Variants in FHIT observed in about 807,000 individuals in gnomAD.
FHIT encodes bis(5'-adenosyl)-triphosphatase.
In FHIT, 19 loss-of-function variants were observed where a neutral mutation model predicts 17.9. The observed-to-expected ratio is 1.06, with a 90% CI of 0.74 to 1.56. The LOEUF (loss-of-function observed/expected upper bound fraction) is 1.56. Ranked by LOEUF, FHIT falls within the 40% of genes most tolerant of loss-of-function variation. The pLI is 0.00. For synonymous variants in FHIT, 81 were observed against 69.7 expected (o/e 1.16, Z -0.81); for missense variants, 248 against 189.2 (o/e 1.31, Z -1.82).
intron 3 of FHIT, among the ~76,000 whole-genome samples, chr3:60,989,252 T>G (rs1399902577): frequency 6.6e-6 from 1 of 152,106 alleles, no homozygotes; most frequent in Non-Finnish European, 1.5e-5. Context: ...TTGGATCAAG[T>G]GATTCTCCTG....
chr3:60,601,506 T>C (rs2038444980), intron 4 of FHIT, among the ~76,000 whole-genome samples: 1 of 152,212 alleles, frequency 6.6e-6, no homozygotes, highest in East Asian at 1.9e-4. Flanking sequence ...GAAGACAAAC[T>C]AGTGTCAAGG....
At chr3:60,687,019 T>C (rs894583932) in intron 4 of FHIT, among the ~76,000 whole-genome samples, 18 of 152,214 alleles carry the variant, frequency 1.2e-4, no homozygotes, top group Admixed American at 1.0e-3. Context: ...AAATTGTTCT[T>C]TGGGATTTAA....
chr3:60,608,500 C>A (rs782132176), intron 4 of FHIT, among the ~76,000 whole-genome samples: 37 of 152,126 alleles, frequency 2.4e-4, no homozygotes, highest in Admixed American at 6.5e-4. Flanking sequence ...GTCCAGCTCT[C>A]TGGGGTGCTA....
chr3:60,488,164 A>G (rs1392983229), intron 5 of FHIT, among the ~76,000 whole-genome samples: 1 of 152,180 alleles, frequency 6.6e-6, no homozygotes, highest in Non-Finnish European at 1.5e-5. Flanking sequence ...ATGATGAGGA[A>G]ACCACAGCAG....
chr3:60,597,328 A>G (rs2038302650), intron 4 of FHIT, among the ~76,000 whole-genome samples: 1 of 152,130 alleles, frequency 6.6e-6, no homozygotes, highest in South Asian at 2.1e-4. Flanking sequence ...CAAGCAGTAA[A>G]TGTTTAATCA....
chr3:60,733,407 C>G (rs1254437180), intron 4 of FHIT, among the ~76,000 whole-genome samples: 17 of 152,156 alleles, frequency 1.1e-4, no homozygotes, highest in Admixed American at 1.1e-3. Context: ...CTGTGTAGCA[C>G]ACATCTGGTT....
rs1553778580 is a variant in FHIT at position 60,955,635 on chromosome 3, C to CATATATATATATATACAT, written c.-111+86411_-111+86412insATGTATATATATATATAT. Among the ~76,000 whole-genome samples the CATATATATATATATACAT allele has an allele frequency of 6.2e-5, 3 of 48,344 alleles. 1 individual carries two copies. The highest frequency in any genetic ancestry group is 1.3e-4 in the Non-Finnish European group (3 of 22,856). 31.7% of individuals were successfully genotyped at this position (48,344 alleles called of 152,430 possible). On this transcript the variant is annotated intron_variant, in intron 3 of 9. Coordinates refer to ENST00000492590, the MANE Select transcript of FHIT (RefSeq NM_002012.4). ...ATATATATATATATATATATATATA[C>CATATATATATATATACAT]ACACACACACATATATACATGTGAC...
At chr3:60,927,837 T>C (rs1422503610) in intron 3 of FHIT, among the ~76,000 whole-genome samples, 1 of 152,212 alleles carries the variant, frequency 6.6e-6, no homozygotes, top group Admixed American at 6.5e-5. Context: ...GAACAGGCCA[T>C]GACGATGATG....
At chr3:60,498,893 T>C (rs756102227) in intron 5 of FHIT, among the ~76,000 whole-genome samples, 2 of 152,152 alleles carry the variant, frequency 1.3e-5, no homozygotes, top group Non-Finnish European at 2.9e-5. Context: ...TCTAAGGGTA[T>C]TGTTAATTGG....
intron 2 of FHIT, among the ~76,000 whole-genome samples, chr3:61,102,258 G>C (rs943923271): frequency 4.6e-5 from 7 of 152,238 alleles, no homozygotes; most frequent in African/African-American, 1.4e-4. Flanking sequence ...AGAGTTTTTA[G>C]CATGAAGGGC....
At chr3:60,392,037 T>C (rs1476997893) in intron 5 of FHIT, among the ~76,000 whole-genome samples, 2 of 152,138 alleles carry the variant, frequency 1.3e-5, no homozygotes, top group Non-Finnish European at 2.9e-5. Context: ...TTAATATTTA[T>C]CACATTATGC....
chr3:60,512,799 T>C (rs182790383), intron 5 of FHIT, among the ~76,000 whole-genome samples: 1 of 152,288 alleles, frequency 6.6e-6, no homozygotes, highest in East Asian at 1.9e-4. Flanking sequence ...GCATGGGCCA[T>C]ATGGCTTGGA....
chr3:60,421,881 C>T (rs373544802), intron 5 of FHIT, among the ~76,000 whole-genome samples: 8 of 152,034 alleles, frequency 5.3e-5, no homozygotes, highest in African/African-American at 1.5e-4. Context: ...ATACTTCCAA[C>T]GGAAGCAGAG....
chr3:61,097,439 T>A (rs1362078141), intron 2 of FHIT, among the ~76,000 whole-genome samples: 4 of 152,208 alleles, frequency 2.6e-5, no homozygotes, highest in Non-Finnish European at 5.9e-5. Context: ...ATAGAATGAT[T>A]TATATTCCTT....
At chr3:60,919,404 T>TG (rs1298151026) in intron 3 of FHIT, among the ~76,000 whole-genome samples, 3 of 151,812 alleles carry the variant, frequency 2.0e-5, no homozygotes, top group Non-Finnish European at 2.9e-5. Flanking sequence ...CCACAGTTTT[T>TG]TTTTTTTTTT....
rs531609481 is a variant in FHIT, at chr3:60,689,998, C to T, written c.-18+131921G>A. Among the ~76,000 whole-genome samples the T allele has an allele frequency of 2.7e-3, 408 of 152,234 alleles. 1 individual carries two copies. Among genetic ancestry groups the T allele is most frequent in the Middle Eastern group, 6.8e-3 (2 of 294 alleles). On this transcript the variant is annotated intron_variant, in intron 4 of 9. Transcript: ENST00000492590. ...CCAGCCACTTCTCTGTTACTGAATTCTTTTGTTGTTGTTGTGGTTGTTATT... is the reference window on the plus strand; with the variant it reads ...CCAGCCACTTCTCTGTTACTGAATTTTTTTGTTGTTGTTGTGGTTGTTATT...
rs1277900911 is a variant in FHIT, at chr3:59,748,332, A to G, written c.*1253T>C. ...ATGAATGCAATTTGGGGAACACTGTATTCGCCCAAGTGATGTTTATTTAGG... is the reference window on the plus strand; with the variant it reads ...ATGAATGCAATTTGGGGAACACTGTGTTCGCCCAAGTGATGTTTATTTAGG... On this transcript the variant is annotated 3_prime_UTR_variant, in exon 10 of 10. Transcript: ENST00000492590. 2.0e-5 allele frequency among the ~76,000 whole-genome samples: 3 copies of G among 152,174 alleles called. No individual in the cohort carries two copies. The highest frequency in any genetic ancestry group is 2.1e-4 in the South Asian group (1 of 4,826).
chr3:60,575,637 G>A (rs908558849), intron 4 of FHIT, among the ~76,000 whole-genome samples: 5 of 152,114 alleles, frequency 3.3e-5, no homozygotes, highest in African/African-American at 4.8e-5. Flanking sequence ...AACTGGCATC[G>A]GAGACAGAAT....
At chr3:61,019,441 A>G (rs1245426575) in intron 3 of FHIT, among the ~76,000 whole-genome samples, 1 of 152,216 alleles carries the variant, frequency 6.6e-6, no homozygotes, top group Non-Finnish European at 1.5e-5. Flanking sequence ...GCAAGCCAAT[A>G]ATAAGTTTTG....
Sources: allele counts gnomAD v4.1 joint callset (sites outside exome capture counted in the v4.1 genomes callset), GRCh38; gene constraint gnomAD v4.1.1; transcripts MANE v1.5; gene names NCBI Gene and HGNC (gene_info 2026-07-23, HGNC 2026-07-21).